KCNQ3: variants seen among roughly 807,000 people sequenced by gnomAD.
KCNQ3 encodes potassium voltage-gated channel subfamily KQT member 3.
KCNQ3 carries 30 observed loss-of-function variants against 92.5 expected under a neutral mutation model. The ratio of observed to expected loss-of-function variants is 0.32; its 90% confidence interval spans 0.24 to 0.44. KCNQ3 has a LOEUF of 0.44. Ranked by LOEUF, KCNQ3 falls within the 20% of genes least tolerant of loss-of-function variation. KCNQ3 has a pLI of 1.00. For missense variants in KCNQ3, 913 were observed against 1,140.3 expected (o/e 0.80, Z 2.87); for synonymous variants, 450 against 468.8 (o/e 0.96, Z 0.52).
intron 1 of KCNQ3, among the ~76,000 whole-genome samples, chr8:132,282,007 A>AC (rs1816537450): frequency 6.6e-6 from 1 of 150,712 alleles, no homozygotes; most frequent in South Asian, 2.1e-4. Context: ...TCTCACTCCA[A>AC]CTCCTCCTTC....
At chr8:132,130,141 G>A (rs1039980351) in intron 14 of KCNQ3, 145 bp from the exon 15 acceptor site, 16 of 931,716 alleles carry the variant, frequency 1.7e-5, no homozygotes, top group African/African-American at 1.6e-4. Context: ...GGAGTGCAGT[G>A]GCGCGATCTG....
At position 132,425,244 on chromosome 8, in the gene KCNQ3, A is replaced by G. The variant is rs115262767; in HGVS notation, c.386+54903T>C. Among the ~76,000 whole-genome samples the G allele has an allele frequency of 3.1e-3, 465 of 152,338 alleles. 1 individual carries two copies. The highest frequency in any genetic ancestry group is 0.01 in the African/African-American group (434 of 41,580). ...AGAATAAAGAGAAGAGCTGCTATTT[A>G]TAGAAGGCGTAGTGGGTAACAGGCA... On this transcript the variant is annotated intron_variant, in intron 1 of 14. Coordinates refer to ENST00000388996, the MANE Select transcript of KCNQ3 (RefSeq NM_004519.4).
chr8:132,252,635 A>C (rs1245466991), intron 1 of KCNQ3, among the ~76,000 whole-genome samples: 1 of 152,192 alleles, frequency 6.6e-6, no homozygotes, highest in Non-Finnish European at 1.5e-5. Flanking sequence ...CCCCACCTAC[A>C]TCCTGCTGAT....
At chr8:132,301,904 A>G (rs1307221518) in intron 1 of KCNQ3, among the ~76,000 whole-genome samples, 1 of 152,228 alleles carries the variant, frequency 6.6e-6, no homozygotes, top group Non-Finnish European at 1.5e-5. Flanking sequence ...AAGGAAGCCC[A>G]CAAATAAGCC....
At chr8:132,442,843 G>C (rs1821572763) in intron 1 of KCNQ3, among the ~76,000 whole-genome samples, 1 of 152,086 alleles carries the variant, frequency 6.6e-6, no homozygotes, top group Non-Finnish European at 1.5e-5. Flanking sequence ...CAGGATACAT[G>C]GTTTTTTCTC....
At chr8:132,168,056 T>C (rs777410929) in intron 8 of KCNQ3, among the ~76,000 whole-genome samples, 1 of 152,246 alleles carries the variant, frequency 6.6e-6, no homozygotes, top group Non-Finnish European at 1.5e-5. Context: ...CAAGTAAGTA[T>C]ACCCAAACTT....
intron 1 of KCNQ3, among the ~76,000 whole-genome samples, chr8:132,275,144 GAGTA>G: frequency 6.6e-6 from 1 of 152,162 alleles, no homozygotes; most frequent in East Asian, 1.9e-4. Context: ...GTTGAGGACA[GAGTA>G]AGTATCTAAC....
intron 1 of KCNQ3, among the ~76,000 whole-genome samples, chr8:132,422,510 C>T (rs1174845871): frequency 1.3e-5 from 2 of 152,196 alleles, no homozygotes; most frequent in African/African-American, 4.8e-5. Context: ...AACTGTGCAT[C>T]ACATTCTAGC....
At position 132,162,704 on chromosome 8, in the gene KCNQ3, TG is replaced by T. The variant is rs1826027220; in HGVS notation, c.1262+763del. Among the ~76,000 whole-genome samples the T allele has an allele frequency of 2.0e-5, 3 of 152,196 alleles. No individual in the cohort carries two copies. In the South Asian group the frequency reaches 6.2e-4, roughly 32 times the overall value. ...ACTGTCAGTAATTGTCTCTTCCAAG[TG>T]GGATTTTGTGTGGATAGGGCTTCAT... On this transcript the variant is annotated intron_variant, in intron 9 of 14. Coordinates refer to ENST00000388996, the MANE Select transcript of KCNQ3 (RefSeq NM_004519.4).
chr8:132,342,823 C>T (rs532161541), intron 1 of KCNQ3, among the ~76,000 whole-genome samples: 169 of 152,344 alleles, frequency 1.1e-3, no homozygotes, highest in Middle Eastern at 0.01. Flanking sequence ...TAGTCATAAA[C>T]ATCTAAACAT....
intron 1 of KCNQ3, among the ~76,000 whole-genome samples, chr8:132,324,583 T>G (rs1411880589): frequency 6.6e-6 from 1 of 152,212 alleles, no homozygotes; most frequent in Middle Eastern, 3.2e-3. Context: ...ATATGAGGAC[T>G]AAGGCTAATG....
intron 1 of KCNQ3, among the ~76,000 whole-genome samples, chr8:132,217,127 CTA>C (rs1395019463): frequency 3.3e-5 from 5 of 152,066 alleles, no homozygotes; most frequent in Non-Finnish European, 7.4e-5. Context: ...CTGCCCAACT[CTA>C]TGTTAAGTGA....
chr8:132,367,156 C>T (rs1029155853), intron 1 of KCNQ3, among the ~76,000 whole-genome samples: 2 of 152,200 alleles, frequency 1.3e-5, no homozygotes, highest in African/African-American at 2.4e-5. Context: ...AGGCCTGAGC[C>T]CTTCTCCTCT....
chr8:132,340,685 A>G (rs1388495650), intron 1 of KCNQ3, among the ~76,000 whole-genome samples: 1 of 152,146 alleles, frequency 6.6e-6, no homozygotes, highest in Non-Finnish European at 1.5e-5. Flanking sequence ...CTTAACACCT[A>G]GATGATGGGT....
intron 1 of KCNQ3, among the ~76,000 whole-genome samples, chr8:132,279,184 C>A (rs976885211): frequency 1.3e-5 from 2 of 152,300 alleles, no homozygotes; most frequent in South Asian, 4.1e-4. Context: ...TGCCACTGCA[C>A]TCCAGCCTGG....
At chr8:132,438,058 T>C (rs998247224) in intron 1 of KCNQ3, among the ~76,000 whole-genome samples, 1 of 152,238 alleles carries the variant, frequency 6.6e-6, no homozygotes, top group African/African-American at 2.4e-5. Flanking sequence ...TAACCTGTTG[T>C]CACAAAATAA....
At chr8:132,394,423 C>T (rs760978909) in intron 1 of KCNQ3, among the ~76,000 whole-genome samples, 1 of 152,118 alleles carries the variant, frequency 6.6e-6, no homozygotes, top group Non-Finnish European at 1.5e-5. Context: ...TCATAGAAAA[C>T]AGTGATAAGA....
intron 1 of KCNQ3, among the ~76,000 whole-genome samples, chr8:132,400,193 G>A (rs1237992361): frequency 1.3e-5 from 2 of 152,198 alleles, no homozygotes; most frequent in Non-Finnish European, 2.9e-5. Context: ...TTCAGCGTCT[G>A]TGTGCCTCTT....
intron 9 of KCNQ3, among the ~76,000 whole-genome samples, chr8:132,147,049 T>C (rs1286482877): frequency 6.6e-6 from 1 of 152,190 alleles, no homozygotes; most frequent in African/African-American, 2.4e-5. Context: ...AAGAACACAA[T>C]GGGCTTTTTG....
Sources: gnomAD v4.1 joint callset for allele counts (sites outside exome capture counted in the v4.1 genomes callset) on GRCh38, gnomAD v4.1.1 for gene constraint, MANE v1.5 for transcripts, NCBI Gene and HGNC (gene_info 2026-07-23, HGNC 2026-07-21) for gene names.